The following ALMS1 variants were observed in gnomAD, a reference collection of about 807,000 sequenced individuals.
ALMS1 encodes the protein centrosome-associated protein ALMS1.
ALMS1 carries 271 observed loss-of-function variants against 352.2 expected under a neutral mutation model. The ratio of observed to expected loss-of-function variants is 0.77; its 90% CI spans 0.70 to 0.85. ALMS1 has a LOEUF of 0.85. Among genes scored for constraint, ALMS1 ranks in the 40% least tolerant of loss-of-function variants. ALMS1 has a pLI of 0.00. For synonymous variants in ALMS1, 1,865 were observed against 1,761.2 expected (o/e 1.06, Z -1.48); for missense variants, 5,445 against 4,870.7 (o/e 1.12, Z -3.51).
At chr2:73,606,041 C>T (rs1675810173) in intron 21 of ALMS1, among the ~76,000 whole-genome samples, 1 of 152,060 alleles carries the variant, frequency 6.6e-6, no homozygotes, top group Admixed American at 6.6e-5. Context: ...AATACAGAAG[C>T]AGATACAAGT....
At chr2:73,603,383 G>T (rs1675743771) in intron 21 of ALMS1, 79 bp downstream of exon 21, 1 of 1,259,794 alleles carries the variant, frequency 7.9e-7, no homozygotes, top group African/African-American at 1.5e-5. Flanking sequence ...CTTGCACCCA[G>T]AATAAATGTA....
At chr2:73,476,384 T>C (rs1057474339) in intron 9 of ALMS1, among the ~76,000 whole-genome samples, 1 of 152,078 alleles carries the variant, frequency 6.6e-6, no homozygotes, top group Non-Finnish European at 1.5e-5. Flanking sequence ...CTCTTCAAGG[T>C]CCTGCTTTCA....
At chr2:73,528,356 A>G (rs376250264) in intron 11 of ALMS1, among the ~76,000 whole-genome samples, 11 of 152,136 alleles carry the variant, frequency 7.2e-5, no homozygotes, top group Non-Finnish European at 1.3e-4. Flanking sequence ...ATTAGGTTCT[A>G]TCTCTCTCTT....
At chr2:73,471,224 C>CT (rs60728783) in intron 9 of ALMS1, among the ~76,000 whole-genome samples, 90 of 141,934 alleles carry the variant, frequency 6.3e-4, no homozygotes, top group East Asian at 4.2e-3. Context: ...TTGATCCTTC[C>CT]TTTTTTTTTT....
intron 16 of ALMS1, among the ~76,000 whole-genome samples, chr2:73,596,554 C>T (rs1402111029): frequency 6.6e-6 from 1 of 151,816 alleles, no homozygotes; most frequent in Non-Finnish European, 1.5e-5. Context: ...ACACTGCAAC[C>T]TTTGCCTCCT....
rs913851906 is a variant in ALMS1 at position 73,447,034 on chromosome 2, G to A, written c.1433-926G>A. On this transcript the variant is annotated intron_variant, in intron 7 of 22. Coordinates refer to ENST00000613296, the MANE Select transcript of ALMS1 (RefSeq NM_001378454.1). ...CCTCCTCCTGCTAGAATACAAATTA[G>A]CTCTGTGAGGTAGGGATTATTGTCT... Among the ~76,000 whole-genome samples, 11 of 133,366 alleles carry A rather than the reference G, an allele frequency of 8.2e-5. No individual in the cohort carries two copies. The Admixed American group carries it at 9.0e-4, about 11-fold the overall frequency. 87.5% of individuals were successfully genotyped at this position (133,366 alleles called of 152,430 possible).
rs768273806 is a variant in ALMS1, at chr2:73,491,117, C to T, written c.9158C>T (p.Pro3053Leu). Residue 3053 changes from proline (P) to leucine (L), a missense_variant, in exon 10 of 23, where the codon CCC becomes CTC. Coordinates refer to ENST00000613296, the MANE Select transcript of ALMS1 (RefSeq NM_001378454.1). ...ALSCVHITLC[P>L]KTSSKLDSGT... ...TCTTGTGTTCATATAACTCTTTGTC[C>T]CAAGACTTCTTCCAAGTTGGATAGT... The T allele has an allele frequency of 1.1e-5, 17 of 1,614,102 alleles. No homozygotes were observed. The highest frequency in any genetic ancestry group is 1.4e-5 in the Non-Finnish European group (17 of 1,180,010).
chr2:73,607,528 C>T (rs891268153), intron 21 of ALMS1, among the ~76,000 whole-genome samples: 4 of 152,122 alleles, frequency 2.6e-5, no homozygotes, highest in Non-Finnish European at 5.9e-5. Flanking sequence ...CCTTTACGCT[C>T]CTTTTTGGGA....
intron 10 of ALMS1, among the ~76,000 whole-genome samples, chr2:73,498,706 A>G (rs997794961): frequency 6.6e-6 from 1 of 152,166 alleles, no homozygotes; most frequent in Non-Finnish European, 1.5e-5. Context: ...ATTTAACGTA[A>G]TGATCTCTAG....
Position 73,451,471 on chromosome 2 carries a change from T to C in ALMS1, c.4944T>C (p.Pro1648=). The C allele has an allele frequency of 6.2e-7, 1 of 1,614,110 alleles. No individual in the cohort carries two copies. The highest frequency in any genetic ancestry group is 8.5e-7 in the Non-Finnish European group (1 of 1,179,994). Residue 1648 remains proline (P), a synonymous_variant, in exon 8 of 23, where the codon CCT becomes CCC. Transcript: ENST00000613296. ...AGGTTGTGAAAGTTTCAGCTGCTCC[T>C]GGACCAGCTGACCAGAAGACTGAGA... ...NKEVVKVSAA[P]GPADQKTETL...
intron 10 of ALMS1, among the ~76,000 whole-genome samples, chr2:73,513,051 G>A (rs1028181026): frequency 1.3e-5 from 2 of 152,012 alleles, no homozygotes; most frequent in Non-Finnish European, 2.9e-5. Flanking sequence ...ATCTAATAGT[G>A]AGTAACCTCA....
At chr2:73,606,700 A>G (rs878996159) in intron 21 of ALMS1, among the ~76,000 whole-genome samples, 1 of 152,176 alleles carries the variant, frequency 6.6e-6, no homozygotes, top group Admixed American at 6.5e-5. Flanking sequence ...AACTCTTAAT[A>G]TTTAGGAAAC....
At chr2:73,425,836 A>G (rs1671366803) in intron 5 of ALMS1, among the ~76,000 whole-genome samples, 1 of 152,208 alleles carries the variant, frequency 6.6e-6, no homozygotes, top group Non-Finnish European at 1.5e-5. Context: ...TAATAATGAT[A>G]GCTTCCTATA....
chr2:73,587,071 T>C (rs1675329325), intron 16 of ALMS1, among the ~76,000 whole-genome samples: 1 of 152,210 alleles, frequency 6.6e-6, no homozygotes, highest in South Asian at 2.1e-4. Flanking sequence ...GATTTGTTTC[T>C]CAGCTTGGTC....
chr2:73,606,685 C>A (rs1675825164), intron 21 of ALMS1, among the ~76,000 whole-genome samples: 1 of 152,136 alleles, frequency 6.6e-6, no homozygotes, highest in Non-Finnish European at 1.5e-5. Context: ...TCAATATCAT[C>A]TAGTAACTCT....
chr2:73,606,004 A>T (rs1306663846), intron 21 of ALMS1, among the ~76,000 whole-genome samples: 2 of 152,186 alleles, frequency 1.3e-5, no homozygotes, highest in African/African-American at 4.8e-5. Context: ...GTATACTTTA[A>T]CCAGAGCAGG....
intron 9 of ALMS1, among the ~76,000 whole-genome samples, chr2:73,485,953 A>T (rs1672832733): frequency 6.6e-6 from 1 of 151,926 alleles, no homozygotes; most frequent in Admixed American, 6.5e-5. Context: ...GCGCGCACCC[A>T]CTGACCTGCG....
chr2:73,524,223 C>A (rs1459468506), intron 11 of ALMS1, among the ~76,000 whole-genome samples: 1 of 152,106 alleles, frequency 6.6e-6, no homozygotes, highest in African/African-American at 2.4e-5. Flanking sequence ...GCACAAAGTT[C>A]TAATGGAACT....
In ALMS1 at chr2:73,497,993, A is replaced by G. The variant is rs1346627999; in HGVS notation, c.9539+6495A>G. On this transcript the variant is annotated intron_variant, in intron 10 of 22. Transcript: ENST00000613296. ...GCAGGTTCAGTTCCAGACCACTGCA[A>G]TAAAGCCGATCACATGAATTTTTTG... Among the ~76,000 whole-genome samples, 5 of 152,152 alleles carry G rather than the reference A, an allele frequency of 3.3e-5. No homozygotes were observed. In the East Asian group the frequency reaches 5.8e-4, roughly 18 times the overall value.
Sources: allele counts gnomAD v4.1 joint callset (sites outside exome capture counted in the v4.1 genomes callset), GRCh38; gene constraint gnomAD v4.1.1; transcripts MANE v1.5; gene names NCBI Gene and HGNC (gene_info 2026-07-23, HGNC 2026-07-21).